IRAG1: variants seen among roughly 807,000 people sequenced by gnomAD.
IRAG1 encodes the protein IP3R-associated cGMP kinase substrate.
In IRAG1, 62 loss-of-function variants were observed where a neutral mutation model predicts 106.2. The observed-to-expected ratio is 0.58, with a 90% CI of 0.48 to 0.72. The LOEUF (loss-of-function observed/expected upper bound fraction) is 0.72, where lower values mean the gene tolerates loss of function less well. Among genes scored for constraint, IRAG1 ranks in the 30% least tolerant of loss-of-function variants. The probability of loss-of-function intolerance (pLI) is 0.00; values close to 1 mark genes in which losing one functional copy is unlikely to be tolerated. For missense variants in IRAG1, 1,064 were observed against 1,140.7 expected (o/e 0.93, Z 0.97); for synonymous variants, 462 against 443.9 (o/e 1.04, Z -0.51).
At chr11:10,624,533 C>CT (rs1856082682) in intron 9 of IRAG1, among the ~76,000 whole-genome samples, 1 of 152,180 alleles carries the variant, frequency 6.6e-6, no homozygotes, top group Non-Finnish European at 1.5e-5. Flanking sequence ...GTGGAGGCAC[C>CT]TGGCAGAGCT....
intron 11 of IRAG1, among the ~76,000 whole-genome samples, chr11:10,609,308 C>G (rs999893838): frequency 1.3e-5 from 2 of 152,014 alleles, no homozygotes; most frequent in Non-Finnish European, 2.9e-5. Context: ...TTTGGGAGGC[C>G]GAGGTAGAAG....
intron 1 of IRAG1, among the ~76,000 whole-genome samples, chr11:10,654,383 T>C (rs1408296390): frequency 6.6e-6 from 1 of 152,200 alleles, no homozygotes; most frequent in East Asian, 1.9e-4. Flanking sequence ...AGCCCCAGGA[T>C]TGGTCAAGGT....
At chr11:10,618,675 G>A (rs1052783115) in intron 10 of IRAG1, among the ~76,000 whole-genome samples, 2 of 152,222 alleles carry the variant, frequency 1.3e-5, no homozygotes, top group African/African-American at 4.8e-5. Flanking sequence ...CAAAGAGGGA[G>A]AGAGGAAGAA....
At chr11:10,632,082 CTTG>C (rs1266339453) in intron 3 of IRAG1, 21 bp from the exon 4 acceptor site, 2 of 1,597,102 alleles carry the variant, frequency 1.3e-6, no homozygotes, top group African/African-American at 2.7e-5. Context: ...GAACAGTCAT[CTTG>C]TTCAGAAAAT....
chr11:10,626,175 G>T lies in IRAG1; in HGVS notation c.1159C>A (p.Pro387Thr), dbSNP rs755261529. The change falls in exon 9 of 21, where the codon CCC becomes ACC. Residue 387 changes from proline (P) to threonine (T), a missense_variant. By Grantham distance (38) the Pro-to-Thr change is conservative (BLOSUM62 -1). Transcript: ENST00000423302. Reference sequence around the variant, plus strand: ...CAGGAGAGCCCTCGCAGCAGCGGGGGCCGGGACACAGTGGGTGGAAGCTCA... The same window carrying T: ...CAGGAGAGCCCTCGCAGCAGCGGGGTCCGGGACACAGTGGGTGGAAGCTCA... ...KAELPPTVSR[P>T]PLLRGLSWDS... 4 of 1,552,184 alleles carry T rather than the reference G, an allele frequency of 2.6e-6. No individual in the cohort carries two copies. The highest frequency in any genetic ancestry group is 2.4e-5 in the South Asian group (2 of 82,154).
At chr11:10,638,053 G>A (rs1266999737) in intron 2 of IRAG1, among the ~76,000 whole-genome samples, 1 of 152,182 alleles carries the variant, frequency 6.6e-6, no homozygotes, top group East Asian at 1.9e-4. Context: ...TGGGAATCAG[G>A]GATTTGTCAG....
intron 2 of IRAG1, among the ~76,000 whole-genome samples, chr11:10,646,637 C>CG (rs1366510195): frequency 1.6e-4 from 25 of 152,204 alleles, no homozygotes; most frequent in African/African-American, 5.8e-4. Flanking sequence ...TTAAAAGTTA[C>CG]GGGAGGGGAG....
intron 2 of IRAG1, among the ~76,000 whole-genome samples, chr11:10,644,034 C>A (rs1025146623): frequency 1.3e-5 from 2 of 152,248 alleles, no homozygotes; most frequent in African/African-American, 4.8e-5. Context: ...GTGACCAGAA[C>A]CACTAGAGGC....
intron 1 of IRAG1, among the ~76,000 whole-genome samples, chr11:10,676,219 G>A (rs1381829442): frequency 1.3e-5 from 2 of 152,242 alleles, no homozygotes; most frequent in East Asian, 3.8e-4. Flanking sequence ...TGAGGAGGGA[G>A]AATGAGTTAG....
intron 1 of IRAG1, among the ~76,000 whole-genome samples, chr11:10,688,087 C>T (rs1347195094): frequency 6.8e-6 from 1 of 147,774 alleles, no homozygotes; most frequent in Admixed American, 6.7e-5. Flanking sequence ...GCAAATATTC[C>T]AAAGGCCAAA....
chr11:10,610,407 C>G (rs1854847166), intron 10 of IRAG1, among the ~76,000 whole-genome samples: 1 of 152,234 alleles, frequency 6.6e-6, no homozygotes, highest in Admixed American at 6.5e-5. Context: ...TCCTAGTCAA[C>G]AGAGACAATG....
chr11:10,578,675 A>G (rs927298127), intron 20 of IRAG1, among the ~76,000 whole-genome samples: 4 of 152,232 alleles, frequency 2.6e-5, no homozygotes, highest in African/African-American at 4.8e-5. Context: ...TACAGGCACC[A>G]TTGCCACTCA....
chr11:10,622,151 A>T (rs567116130), intron 10 of IRAG1, among the ~76,000 whole-genome samples: 1 of 152,298 alleles, frequency 6.6e-6, no homozygotes, highest in African/African-American at 2.4e-5. Flanking sequence ...ACCCCCTCTG[A>T]AAAAGGGAGT....
intron 20 of IRAG1, 81 bp downstream of exon 20, chr11:10,580,374 C>T: frequency 6.4e-7 from 1 of 1,551,500 alleles, no homozygotes. Flanking sequence ...CTGGCATTTC[C>T]AGGGATTTTG....
At position 10,693,686 on chromosome 11, in the gene IRAG1, G is replaced by C; in HGVS notation, c.-84C>G. Reference sequence around the variant, plus strand: ...AACCTCGGCCGCACGCCTCCTCTGAGAGGGGCTGGGACTTAGAGCCGAGAG... The same window carrying C: ...AACCTCGGCCGCACGCCTCCTCTGACAGGGGCTGGGACTTAGAGCCGAGAG... On this transcript the variant is annotated 5_prime_UTR_variant, in exon 1 of 21. Transcript: ENST00000423302. 1 of 1,458,226 alleles carries C rather than the reference G, an allele frequency of 6.9e-7. No individual in the cohort carries two copies. The allele number at this position is 1,458,226 out of a possible 1,614,324, so 90.3% of individuals were successfully genotyped here.
At chr11:10,685,539 C>A (rs1861604276) in intron 1 of IRAG1, among the ~76,000 whole-genome samples, 1 of 151,624 alleles carries the variant, frequency 6.6e-6, no homozygotes, top group African/African-American at 2.4e-5. Flanking sequence ...CATAGCAAGA[C>A]CCTGTCTCTA....
chr11:10,627,981 G>A lies in IRAG1; in HGVS notation c.697C>T (p.Pro233Ser), dbSNP rs1856385752. 6.2e-7 allele frequency: 1 copy of A among 1,607,954 alleles called. No homozygotes were observed. Among genetic ancestry groups the A allele is most frequent in the Admixed American group, 1.7e-5 (1 of 59,734 alleles). ...GTGGGGGGTCCTGTCACCTGTGGTG[G>A]TGCTCCAGGCAGAGGGGATGGCGGG... is the stretch of plus-strand genomic sequence containing the variant. ...SGPPSPLPGA[P>S]PQKGDEADVS... Residue 233 changes from proline to serine, a missense_variant, in exon 7 of 21, where the codon CCA becomes TCA. Pro to Ser is a moderately conservative substitution (Grantham distance 74). Coordinates refer to ENST00000423302, the MANE Select transcript of IRAG1 (RefSeq NM_130385.4).
At chr11:10,582,402 C>T (rs189782492) in intron 18 of IRAG1, among the ~76,000 whole-genome samples, 27 of 151,394 alleles carry the variant, frequency 1.8e-4, no homozygotes, top group African/African-American at 6.1e-4. Context: ...GCCACAGGCA[C>T]ATTGTAATGT....
intron 1 of IRAG1, among the ~76,000 whole-genome samples, chr11:10,664,677 C>T (rs1208431436): frequency 1.3e-5 from 2 of 152,196 alleles, no homozygotes; most frequent in East Asian, 3.8e-4. Flanking sequence ...CCATCACATC[C>T]CCCTGATCAC....
Sources: gnomAD v4.1 joint callset for allele counts (sites outside exome capture counted in the v4.1 genomes callset) on GRCh38, gnomAD v4.1.1 for gene constraint, MANE v1.5 for transcripts, NCBI Gene and HGNC (gene_info 2026-07-23, HGNC 2026-07-21) for gene names.